Variants in PTPRD observed in about 807,000 individuals in gnomAD.
PTPRD encodes the protein protein tyrosine phosphatase receptor type D.
Under a neutral mutation model 214.5 loss-of-function variants are expected in PTPRD, and 34 were observed. That is an observed-to-expected ratio of 0.16 (90% confidence interval 0.12 to 0.21). The LOEUF is 0.21. Ranked by LOEUF, PTPRD falls within the 10% of genes least tolerant of loss-of-function variation. The pLI, the probability that PTPRD is intolerant of heterozygous loss-of-function variation, is 1.00. For synonymous variants in PTPRD, 1,128 were observed against 845.7 expected, an observed-to-expected ratio of 1.33 and a Z score of -5.79; for missense variants, 2,545 against 2,398.7, an observed-to-expected ratio of 1.06 and a Z score of -1.27.
chr9:10,321,977 T>C (rs1428357987), intron 3 of PTPRD, among the ~76,000 whole-genome samples: 1 of 152,040 alleles, frequency 6.6e-6, no homozygotes, highest in Non-Finnish European at 1.5e-5. Context: ...ACTGAAATCT[T>C]AAATATAATG....
intron 5 of PTPRD, among the ~76,000 whole-genome samples, chr9:9,901,779 C>G (rs1601538335): frequency 6.6e-6 from 1 of 151,994 alleles, no homozygotes; most frequent in Non-Finnish European, 1.5e-5. Context: ...GCTGGGGAGG[C>G]CCCAGGAAAC....
chr9:10,552,526 T>C (rs1050187374), intron 2 of PTPRD, among the ~76,000 whole-genome samples: 3 of 152,280 alleles, frequency 2.0e-5, no homozygotes, highest in African/African-American at 7.2e-5. Flanking sequence ...GTTAAGTTTT[T>C]CAGTTTTTCC....
chr9:9,770,633 C>T (rs950236801), intron 5 of PTPRD, among the ~76,000 whole-genome samples: 2 of 151,992 alleles, frequency 1.3e-5, no homozygotes, highest in African/African-American at 2.4e-5. Context: ...GAGTACTTAA[C>T]CTGTAAAATA....
At chr9:10,133,203 G>A (rs749908012) in intron 3 of PTPRD, among the ~76,000 whole-genome samples, 16 of 152,098 alleles carry the variant, frequency 1.1e-4, no homozygotes, top group Non-Finnish European at 1.5e-4. Flanking sequence ...GATCACTAAC[G>A]GTGCTGAAGT....
intron 2 of PTPRD, among the ~76,000 whole-genome samples, chr9:10,570,040 C>A (rs1422175656): frequency 6.6e-6 from 1 of 151,934 alleles, no homozygotes; most frequent in Non-Finnish European, 1.5e-5. Context: ...AAACTATGAT[C>A]TTTGTCAAAT....
intron 31 of PTPRD, among the ~76,000 whole-genome samples, chr9:8,469,022 G>T (rs771332166): frequency 2.8e-4 from 42 of 151,874 alleles, no homozygotes; most frequent in Non-Finnish European, 2.9e-4. Context: ...CTACAATGTG[G>T]TCTCAATTAT....
intron 3 of PTPRD, among the ~76,000 whole-genome samples, chr9:10,100,311 C>T (rs1343954262): frequency 2.0e-5 from 3 of 151,596 alleles, no homozygotes; most frequent in Admixed American, 6.6e-5. Context: ...ACCATATTAT[C>T]CTCAATCTAT....
intron 12 of PTPRD, among the ~76,000 whole-genome samples, chr9:8,677,820 A>C (rs2097460708): frequency 6.6e-6 from 1 of 152,184 alleles, no homozygotes; most frequent in African/African-American, 2.4e-5. Context: ...CACCACAAGC[A>C]GCGGGGACTC....
chr9:8,901,538 CA>C (rs1321972084), intron 11 of PTPRD, among the ~76,000 whole-genome samples: 1 of 152,100 alleles, frequency 6.6e-6, no homozygotes, highest in Non-Finnish European at 1.5e-5. Flanking sequence ...AAAACAAATG[CA>C]AAATGCTCCA....
chr9:10,247,333 G>T (rs762451093), intron 3 of PTPRD, among the ~76,000 whole-genome samples: 6 of 152,118 alleles, frequency 3.9e-5, no homozygotes, highest in Non-Finnish European at 8.8e-5. Flanking sequence ...GGAAAGCTAT[G>T]TGCATTTTCC....
At chr9:8,725,894 G>C (rs1440654844) in intron 12 of PTPRD, among the ~76,000 whole-genome samples, 1 of 152,072 alleles carries the variant, frequency 6.6e-6, no homozygotes, top group African/African-American at 2.4e-5. Context: ...AAGATTGCTT[G>C]AGAGCATCCT....
At chr9:10,148,177 G>C (rs2099036905) in intron 3 of PTPRD, among the ~76,000 whole-genome samples, 1 of 152,190 alleles carries the variant, frequency 6.6e-6, no homozygotes, top group Admixed American at 6.6e-5. Context: ...CGGTGGAGTT[G>C]CTGGTGTTCT....
At chr9:9,627,056 G>A (rs530828521) in intron 7 of PTPRD, among the ~76,000 whole-genome samples, 3 of 152,342 alleles carry the variant, frequency 2.0e-5, no homozygotes, top group East Asian at 3.9e-4. Context: ...GCTCGTGCCT[G>A]TAATTCCCAC....
At chr9:9,332,330 G>C (rs993725997) in intron 9 of PTPRD, among the ~76,000 whole-genome samples, 24 of 151,758 alleles carry the variant, frequency 1.6e-4, no homozygotes, top group African/African-American at 5.6e-4. Context: ...TCACAATGCA[G>C]ATAGCTTGAA....
At chr9:9,887,277 A>G (rs1203514767) in intron 5 of PTPRD, among the ~76,000 whole-genome samples, 2 of 151,978 alleles carry the variant, frequency 1.3e-5, no homozygotes, top group East Asian at 3.9e-4. Context: ...TTTCCTTGAC[A>G]TTGTTCACTG....
At chr9:9,373,962 C>T (rs2060164073) in intron 9 of PTPRD, among the ~76,000 whole-genome samples, 1 of 151,700 alleles carries the variant, frequency 6.6e-6, no homozygotes, top group Non-Finnish European at 1.5e-5. Flanking sequence ...CTTAATGTGT[C>T]TTTTAATTTG....
intron 7 of PTPRD, among the ~76,000 whole-genome samples, chr9:9,642,582 C>G (rs1392700067): frequency 6.6e-6 from 1 of 152,102 alleles, no homozygotes; most frequent in Non-Finnish European, 1.5e-5. Context: ...AAAGCTCTCT[C>G]CCTCCCCAAT....
At chr9:10,446,383 G>A (rs920731452) in intron 2 of PTPRD, among the ~76,000 whole-genome samples, 1 of 144,712 alleles carries the variant, frequency 6.9e-6, no homozygotes, top group Admixed American at 6.9e-5. Flanking sequence ...AGTAGTGCTG[G>A]TTTGGCTTAA....
At chr9:9,978,077 G>C (rs1359784264) in intron 4 of PTPRD, among the ~76,000 whole-genome samples, 1 of 151,484 alleles carries the variant, frequency 6.6e-6, no homozygotes, top group Non-Finnish European at 1.5e-5. Context: ...ATATTGTAGA[G>C]CAACCACTTA....
Sources: gnomAD v4.1 joint callset for allele counts (sites outside exome capture counted in the v4.1 genomes callset) on GRCh38, gnomAD v4.1.1 for gene constraint, MANE v1.5 for transcripts, NCBI Gene and HGNC (gene_info 2026-07-23, HGNC 2026-07-21) for gene names.